The following FEM1B variants were observed in gnomAD, a reference collection of about 807,000 sequenced individuals.
FEM1B encodes protein fem-1 homolog B.
A neutral mutation model predicts 38.6 loss-of-function variants in FEM1B; 10 were observed. The observed-to-expected ratio is 0.26, with a 90% CI of 0.16 to 0.44. FEM1B has a LOEUF of 0.44. Ranked by LOEUF, FEM1B falls within the 20% of genes least tolerant of loss-of-function variation. The pLI, the probability that FEM1B is intolerant of heterozygous loss-of-function variation, is 1.00. For missense variants in FEM1B, 471 were observed against 786.7 expected (o/e 0.60, Z 4.80); for synonymous variants, 288 against 288.0 (o/e 1.00, Z 0.00).
chr15:68,293,387 C>T lies in FEM1B; in HGVS notation c.*2145C>T, dbSNP rs1892867562. 1 of 152,088 alleles carries T rather than the reference C, an allele frequency of 6.6e-6. No homozygotes were observed. Among genetic ancestry groups the T allele is most frequent in the African/African-American group, 2.4e-5 (1 of 41,416 alleles). 9.4% of individuals were successfully genotyped at this position (152,088 alleles called of 1,614,324 possible). On this transcript the variant is annotated 3_prime_UTR_variant, in exon 2 of 2. Transcript: ENST00000306917. This position sits in a 1 kb window ranked among gnomAD's most constrained non-coding sequence, Gnocchi z 5.8. ...AAAACACATTTCATCCCTTTGGCTACCCAGGACCAGCACTATTTAAGACAC... is the reference window on the plus strand; with the variant it reads ...AAAACACATTTCATCCCTTTGGCTATCCAGGACCAGCACTATTTAAGACAC...
In FEM1B at chr15:68,278,336, A is replaced by C; in HGVS notation, c.-82A>C. On this transcript the variant is annotated 5_prime_UTR_variant, in exon 1 of 2. Coordinates refer to ENST00000306917, the MANE Select transcript of FEM1B (RefSeq NM_015322.5). This position sits in a 1 kb window ranked among gnomAD's most constrained non-coding sequence, Gnocchi z 5.7. ...AATGGGCTGTGAGGGCCCAGGTTTA[A>C]AGCGCTGGCGAACGCGGCCTCCGGG... 6.6e-7 allele frequency: 1 copy of C among 1,513,186 alleles called. No homozygotes were observed. The highest frequency in any genetic ancestry group is 2.4e-5 in the East Asian group (1 of 41,070). The allele number at this position is 1,513,186 out of a possible 1,614,324, so 93.7% of individuals were successfully genotyped here. A position where few individuals can be genotyped will look rare whatever the true frequency, so the allele number is the denominator to read the frequency against.
At position 68,278,668 on chromosome 15, in the gene FEM1B, A is replaced by G; in HGVS notation, c.248+3A>G. On this transcript the variant is annotated splice_donor_region_variant and intron_variant, in intron 1 of 1. Transcript: ENST00000306917. This position sits in a 1 kb window ranked among gnomAD's most constrained non-coding sequence, Gnocchi z 5.7. ...ACTGGCACCGTCCGCTTCGACGGGT[A>G]GGTACATCCCAAGCCAGCCTCTCTC... is the stretch of plus-strand genomic sequence containing the variant. 6.2e-7 allele frequency: 1 copy of G among 1,613,736 alleles called. No homozygotes were observed. Among genetic ancestry groups the G allele is most frequent in the Non-Finnish European group, 8.5e-7 (1 of 1,179,932 alleles).
chr15:68,278,511 A>C lies in FEM1B; in HGVS notation c.94A>C (p.Ile32Leu). ...GCTTCTCAACCGGTCTGAAAGCGAC[A>C]TCCGCTATCTGCTTGGCTATGTCAG... ...ALLLNRSESDIRYLLGYVSQQ... is the reference protein window; with the variant it reads ...ALLLNRSESDLRYLLGYVSQQ... Residue 32 changes from isoleucine to leucine, a missense_variant, in exon 1 of 2, where the codon ATC becomes CTC. By Grantham distance (5) the Ile-to-Leu change is conservative. Around this residue, in one of 3 missense-constraint regions of FEM1B, gnomAD observed 91 missense variants for 169.6 expected, o/e 0.54. Coordinates refer to ENST00000306917, the MANE Select transcript of FEM1B (RefSeq NM_015322.5). This position sits in a 1 kb window ranked among gnomAD's most constrained non-coding sequence, Gnocchi z 5.7. The C allele has an allele frequency of 6.2e-7, 1 of 1,614,040 alleles. No homozygotes were observed. Among genetic ancestry groups the C allele is most frequent in the Non-Finnish European group, 8.5e-7 (1 of 1,180,018 alleles).
In FEM1B at chr15:68,278,274, G is replaced by C; in HGVS notation, c.-144G>C. The C allele has an allele frequency of 8.8e-7, 1 of 1,130,412 alleles. No individual in the cohort carries two copies. Among genetic ancestry groups the C allele is most frequent in the Non-Finnish European group, 1.2e-6 (1 of 816,514 alleles). The allele number at this position is 1,130,412 out of a possible 1,614,324, so 70.0% of individuals were successfully genotyped here. A position where few individuals can be genotyped will look rare whatever the true frequency, so the allele number is the denominator to read the frequency against. The stretch of plus-strand genomic sequence containing the variant: ...GTCTCCGCCTTCCCTGGGCCGCACT[G>C]CTGCCTGGGCGCGGCGGCGGCGACG... On this transcript the variant is annotated 5_prime_UTR_variant, in exon 1 of 2. Coordinates refer to ENST00000306917, the MANE Select transcript of FEM1B (RefSeq NM_015322.5). The surrounding 1 kb of genome is among the most constrained non-coding windows in gnomAD (Gnocchi z 5.7).
intron 1 of FEM1B, among the ~76,000 whole-genome samples, chr15:68,287,869 C>G (rs1165477240): frequency 1.5e-5 from 2 of 131,040 alleles, no homozygotes; most frequent in Non-Finnish European, 3.1e-5. Flanking sequence ...AAGTTTTGCT[C>G]TGTTGCCCAG....
Position 68,289,921 on chromosome 15 carries a change from C to T in FEM1B, c.563C>T (p.Ala188Val). The change falls in exon 2 of 2, where the codon GCC becomes GTC. Residue 188 changes from alanine to valine, a missense_variant. Coordinates refer to ENST00000306917, the MANE Select transcript of FEM1B (RefSeq NM_015322.5). The surrounding 1 kb of genome is among the most constrained non-coding windows in gnomAD (Gnocchi z 6.9). ...CCCAATGCCAAAGCACATTGTGGAGCCACAGCATTGCACTTTGCAGCTGAA... is the reference window on the plus strand; with the variant it reads ...CCCAATGCCAAAGCACATTGTGGAGTCACAGCATTGCACTTTGCAGCTGAA... ...ADPNAKAHCG[A>V]TALHFAAEAG... 2 of 1,613,994 alleles carry T rather than the reference C, an allele frequency of 1.2e-6. No homozygotes were observed. The highest frequency in any genetic ancestry group is 1.7e-6 in the Non-Finnish European group (2 of 1,179,948).
In FEM1B at chr15:68,278,871, C is replaced by G. The variant is rs1373878954; in HGVS notation, c.248+206C>G. ...TTTTGCTGCCCGTCCTCATCAGCCC[C>G]TACCCCTCATTCCCTCTGTGGGAAG... On this transcript the variant is annotated intron_variant, in intron 1 of 1. Transcript: ENST00000306917. This position sits in a 1 kb window ranked among gnomAD's most constrained non-coding sequence, Gnocchi z 5.7. 6.6e-6 allele frequency among the ~76,000 whole-genome samples: 1 copy of G among 152,164 alleles called. No individual in the cohort carries two copies. Among genetic ancestry groups the G allele is most frequent in the Non-Finnish European group, 1.5e-5 (1 of 68,028 alleles).
intron 1 of FEM1B, among the ~76,000 whole-genome samples, chr15:68,287,174 A>T (rs1467716575): frequency 6.6e-6 from 1 of 152,246 alleles, no homozygotes; most frequent in Non-Finnish European, 1.5e-5. Context: ...TACAGGCATA[A>T]GCCACCGCAC....
At position 68,295,470 on chromosome 15, in the gene FEM1B, G is replaced by A. The variant is rs1179228769; in HGVS notation, c.*4228G>A. ...AGCTTTCCTCACAGTCTTTTCAAAG[G>A]TACACAGTTGGGGAGTAAAATCTGA... On this transcript the variant is annotated 3_prime_UTR_variant, in exon 2 of 2. Coordinates refer to ENST00000306917, the MANE Select transcript of FEM1B (RefSeq NM_015322.5). 1 of 152,152 alleles carries A rather than the reference G, an allele frequency of 6.6e-6. No individual in the cohort carries two copies. The highest frequency in any genetic ancestry group is 1.5e-5 in the Non-Finnish European group (1 of 68,016). 9.4% of individuals were successfully genotyped at this position (152,152 alleles called of 1,614,324 possible). A position where few individuals can be genotyped will look rare whatever the true frequency, so the allele number is the denominator to read the frequency against.
intron 1 of FEM1B, among the ~76,000 whole-genome samples, chr15:68,286,007 T>A (rs1316954514): frequency 6.6e-6 from 1 of 152,000 alleles, no homozygotes; most frequent in Non-Finnish European, 1.5e-5. Flanking sequence ...GCTTTTTTTT[T>A]ATTTTGAGAA....
chr15:68,292,208 A>ACC lies in FEM1B; in HGVS notation c.*967_*968dup, dbSNP rs1189287834. 6.6e-6 allele frequency: 1 copy of ACC among 152,192 alleles called. No homozygotes were observed. The highest frequency in any genetic ancestry group is 1.5e-5 in the Non-Finnish European group (1 of 68,006). 9.4% of individuals were successfully genotyped at this position (152,192 alleles called of 1,614,324 possible). ...TTTTACTTATGACAGATGAAAAGGAACCAGGATATGTTTGAATTTTTTCAC... is the reference window on the plus strand; with the variant it reads ...TTTTACTTATGACAGATGAAAAGGAACCCCAGGATATGTTTGAATTTTTTCAC... On this transcript the variant is annotated 3_prime_UTR_variant, in exon 2 of 2. Transcript: ENST00000306917.
At position 68,289,297 on chromosome 15, in the gene FEM1B, C is replaced by T. The variant is rs932168843; in HGVS notation, c.249-310C>T. ...CTTGGTGATGAAGAAGCTACCTCCACGCATTTCCTCTGTGCCTTCTGAAGT... is the reference window on the plus strand; with the variant it reads ...CTTGGTGATGAAGAAGCTACCTCCATGCATTTCCTCTGTGCCTTCTGAAGT... On this transcript the variant is annotated intron_variant, in intron 1 of 1. Transcript: ENST00000306917. The surrounding 1 kb of genome is among the most constrained non-coding windows in gnomAD (Gnocchi z 6.9). 1 of 253,294 alleles carries T rather than the reference C, an allele frequency of 3.9e-6. No individual in the cohort carries two copies. The highest frequency in any genetic ancestry group is 7.6e-6 in the Non-Finnish European group (1 of 130,894). The allele number at this position is 253,294 out of a possible 1,614,324, so 15.7% of individuals were successfully genotyped here. A position where few individuals can be genotyped will look rare whatever the true frequency, so the allele number is the denominator to read the frequency against.
rs1002652085 is a variant in FEM1B at position 68,291,793 on chromosome 15, T to C, written c.*551T>C. 2.0e-5 allele frequency: 3 copies of C among 152,348 alleles called. No individual in the cohort carries two copies. The highest frequency in any genetic ancestry group is 4.4e-5 in the Non-Finnish European group (3 of 68,118). The allele number at this position is 152,348 out of a possible 1,614,324, so 9.4% of individuals were successfully genotyped here. On this transcript the variant is annotated 3_prime_UTR_variant, in exon 2 of 2. Transcript: ENST00000306917. This position sits in a 1 kb window ranked among gnomAD's most constrained non-coding sequence, Gnocchi z 6.9. ...AGCATTCAGGAGGATTTTTAAAAAA[T>C]AGCTGCAGATTAATCTGGAAAATGT...
intron 1 of FEM1B, among the ~76,000 whole-genome samples, chr15:68,287,590 G>C (rs983064505): frequency 7.2e-5 from 11 of 152,090 alleles, no homozygotes; most frequent in African/African-American, 2.7e-4. Flanking sequence ...ATGTTAACTG[G>C]GGTTAAACCA....
chr15:68,291,186 A>G lies in FEM1B; in HGVS notation c.1828A>G (p.Ile610Val), dbSNP rs1223645425. Reference sequence around the variant, plus strand: ...TGCCCGAGCAGTTCGGGCTAATGACATTAACTACCAAGACCAGATCCCCAG... The same window carrying G: ...TGCCCGAGCAGTTCGGGCTAATGACGTTAACTACCAAGACCAGATCCCCAG... ...LAARAVRAND[I>V]NYQDQIPRTL... is the part of the protein sequence containing the mutation. The change falls in exon 2 of 2, where the codon ATT becomes GTT. Residue 610 changes from isoleucine to valine, a missense_variant. Ile to Val is a conservative substitution (Grantham distance 29). Around this residue, in one of 3 missense-constraint regions of FEM1B, gnomAD observed 380 missense variants for 599.6 expected, o/e 0.63. Transcript: ENST00000306917. The surrounding 1 kb of genome is among the most constrained non-coding windows in gnomAD (Gnocchi z 6.9). 1.2e-6 allele frequency: 2 copies of G among 1,613,640 alleles called. No individual in the cohort carries two copies. The highest frequency in any genetic ancestry group is 1.1e-5 in the South Asian group (1 of 90,976).
In FEM1B at chr15:68,291,681, G is replaced by A. The variant is rs748781328; in HGVS notation, c.*439G>A. The A allele has an allele frequency of 1.2e-3, 185 of 160,830 alleles. No homozygotes were observed. The highest frequency in any genetic ancestry group is 3.2e-3 in the Middle Eastern group (1 of 316). The allele number at this position is 160,830 out of a possible 1,614,324, so 10.0% of individuals were successfully genotyped here. ...GCTAAAAAGGAACATTAAGAGGAAT[G>A]GGATATCCAGGTGTTCTGCACATGC... On this transcript the variant is annotated 3_prime_UTR_variant, in exon 2 of 2. Coordinates refer to ENST00000306917, the MANE Select transcript of FEM1B (RefSeq NM_015322.5). This position sits in a 1 kb window ranked among gnomAD's most constrained non-coding sequence, Gnocchi z 6.9.
chr15:68,288,330 T>C lies in FEM1B; in HGVS notation c.249-1277T>C, dbSNP rs1422080877. ...GGGGGATATAATTTGACCAGTGTTATAAGGTTGTATAGTGAGAAGCTCACT... is the reference window on the plus strand; with the variant it reads ...GGGGGATATAATTTGACCAGTGTTACAAGGTTGTATAGTGAGAAGCTCACT... On this transcript the variant is annotated intron_variant, in intron 1 of 1. Transcript: ENST00000306917. This position sits in a 1 kb window ranked among gnomAD's most constrained non-coding sequence, Gnocchi z 4.6. 1.3e-5 allele frequency among the ~76,000 whole-genome samples: 2 copies of C among 152,244 alleles called. No homozygotes were observed. Among genetic ancestry groups the C allele is most frequent in the Non-Finnish European group, 2.9e-5 (2 of 68,044 alleles).
rs1892815369 is a variant in FEM1B at position 68,288,720 on chromosome 15, G to C, written c.249-887G>C. Among the ~76,000 whole-genome samples the C allele has an allele frequency of 6.6e-6, 1 of 152,152 alleles. No individual in the cohort carries two copies. The highest frequency in any genetic ancestry group is 1.5e-5 in the Non-Finnish European group (1 of 68,038). On this transcript the variant is annotated intron_variant, in intron 1 of 1. Coordinates refer to ENST00000306917, the MANE Select transcript of FEM1B (RefSeq NM_015322.5). This position sits in a 1 kb window ranked among gnomAD's most constrained non-coding sequence, Gnocchi z 4.6. ...AAGTGCTAATTATTTCCTGCTGTTA[G>C]TATTTTTTTCCTGTAGTGGTTGATT...
At chr15:68,287,025 T>C (rs997752536) in intron 1 of FEM1B, among the ~76,000 whole-genome samples, 9 of 151,426 alleles carry the variant, frequency 5.9e-5, no homozygotes, top group Non-Finnish European at 1.2e-4. Context: ...GTAGCTGGGA[T>C]TACAAGCATG....
Sources: allele counts gnomAD v4.1 joint callset (sites outside exome capture counted in the v4.1 genomes callset), GRCh38; gene constraint gnomAD v4.1.1; regional missense constraint gnomAD v4.1.1; non-coding constraint Gnocchi (gnomAD v3.1); transcripts MANE v1.5; gene names NCBI Gene and HGNC (gene_info 2026-07-23, HGNC 2026-07-21).